Variants in NECAB1 observed in about 807,000 individuals in gnomAD.
The protein encoded by NECAB1 is N-terminal EF-hand calcium binding protein 1.
A neutral mutation model predicts 57.5 loss-of-function variants in NECAB1; 29 were observed. The ratio of observed to expected loss-of-function variants is 0.50; its 90% confidence interval spans 0.38 to 0.69. The LOEUF is 0.69. Ranked by LOEUF, NECAB1 falls within the 30% of genes least tolerant of loss-of-function variation. NECAB1 has a pLI of 0.00. For missense variants in NECAB1, 372 were observed against 413.8 expected (o/e 0.90, Z 0.88); for synonymous variants, 142 against 147.7 (o/e 0.96, Z 0.28).
At chr8:90,935,097 T>C (rs1256275684) in intron 9 of NECAB1, among the ~76,000 whole-genome samples, 1 of 152,202 alleles carries the variant, frequency 6.6e-6, no homozygotes, top group African/African-American at 2.4e-5. Context: ...AAAATCATTT[T>C]TTAATCCCTT....
At chr8:90,883,395 G>A (rs920958942) in intron 5 of NECAB1, among the ~76,000 whole-genome samples, 1 of 152,152 alleles carries the variant, frequency 6.6e-6, no homozygotes, top group East Asian at 1.9e-4. Flanking sequence ...CTAGCACATG[G>A]ACCCTTCAGA....
At chr8:90,898,383 C>A (rs2130003337) in intron 5 of NECAB1, among the ~76,000 whole-genome samples, 1 of 152,272 alleles carries the variant, frequency 6.6e-6, no homozygotes, top group East Asian at 1.9e-4. Context: ...TCAATATTGT[C>A]CCATTTCACT....
intron 3 of NECAB1, among the ~76,000 whole-genome samples, chr8:90,842,811 A>G (rs1812475858): frequency 6.6e-6 from 1 of 152,308 alleles, no homozygotes; most frequent in East Asian, 1.9e-4. Flanking sequence ...GAGTTTCACT[A>G]AAGTTGCTAA....
chr8:90,871,527 TTTC>T (rs1207360848), intron 3 of NECAB1, among the ~76,000 whole-genome samples: 2 of 152,188 alleles, frequency 1.3e-5, no homozygotes, highest in Non-Finnish European at 2.9e-5. Context: ...AGTAATTTGA[TTTC>T]TTATTTTGTT....
chr8:90,819,047 C>T (rs947438122), intron 2 of NECAB1, among the ~76,000 whole-genome samples: 1 of 151,698 alleles, frequency 6.6e-6, no homozygotes, highest in Non-Finnish European at 1.5e-5. Context: ...GACCTATCCT[C>T]AAGTTCTTTC....
chr8:90,801,721 A>G lies in NECAB1; in HGVS notation c.124+6A>G. The G allele has an allele frequency of 2.0e-6, 3 of 1,514,860 alleles. No homozygotes were observed. The East Asian group carries it at 7.4e-5, about 37-fold the overall frequency. The allele number at this position is 1,514,860 out of a possible 1,614,324, so 93.8% of individuals were successfully genotyped here. A position where few individuals can be genotyped will look rare whatever the true frequency, so the allele number is the denominator to read the frequency against. Reference sequence around the variant, plus strand: ...GAGGAGAGCAGACAAAAATGGTAAGACCAAAAATCTACAGTATCTATTTAT... The same window carrying G: ...GAGGAGAGCAGACAAAAATGGTAAGGCCAAAAATCTACAGTATCTATTTAT... On this transcript the variant is annotated splice_donor_region_variant and intron_variant, in intron 2 of 12. Coordinates refer to ENST00000417640, the MANE Select transcript of NECAB1 (RefSeq NM_022351.5).
At chr8:90,885,996 A>G (rs1354781109) in intron 5 of NECAB1, among the ~76,000 whole-genome samples, 1 of 152,242 alleles carries the variant, frequency 6.6e-6, no homozygotes, top group Non-Finnish European at 1.5e-5. Context: ...AAATGCTGAA[A>G]TCATAATTAA....
intron 10 of NECAB1, among the ~76,000 whole-genome samples, chr8:90,947,934 T>G (rs1012904959): frequency 6.6e-6 from 1 of 152,238 alleles, no homozygotes; most frequent in African/African-American, 2.4e-5. Flanking sequence ...TATGGTCTTA[T>G]GGCTAGCCTG....
At chr8:90,868,555 C>A (rs1352145497) in intron 3 of NECAB1, among the ~76,000 whole-genome samples, 1 of 152,158 alleles carries the variant, frequency 6.6e-6, no homozygotes, top group African/African-American at 2.4e-5. Context: ...CAGCATTGTG[C>A]CCCTGTTCTA....
chr8:90,930,201 A>G (rs541745143), intron 8 of NECAB1, among the ~76,000 whole-genome samples: 1 of 152,326 alleles, frequency 6.6e-6, no homozygotes, highest in East Asian at 1.9e-4. Context: ...ATCAGGTATG[A>G]TATGAGATGG....
chr8:90,815,683 A>G (rs1812051249), intron 2 of NECAB1, among the ~76,000 whole-genome samples: 1 of 152,050 alleles, frequency 6.6e-6, no homozygotes, highest in Admixed American at 6.6e-5. Flanking sequence ...TTCAGTTAGC[A>G]ATATGGATTT....
At chr8:90,889,272 T>C (rs138648627) in intron 5 of NECAB1, among the ~76,000 whole-genome samples, 54 of 152,340 alleles carry the variant, frequency 3.5e-4, no homozygotes, top group African/African-American at 1.2e-3. Flanking sequence ...TCAGTGATTA[T>C]CACTGTAAGT....
At chr8:90,837,979 C>T (rs1328332384) in intron 3 of NECAB1, among the ~76,000 whole-genome samples, 2 of 152,074 alleles carry the variant, frequency 1.3e-5, no homozygotes, top group African/African-American at 2.4e-5. Context: ...CTTTATTGTG[C>T]GTAGAGCTAA....
At chr8:90,820,621 T>C (rs973416810) in intron 2 of NECAB1, among the ~76,000 whole-genome samples, 1 of 151,724 alleles carries the variant, frequency 6.6e-6, no homozygotes, top group African/African-American at 2.4e-5. Flanking sequence ...AGAGCTCTAG[T>C]TGTTGTCATG....
intron 2 of NECAB1, among the ~76,000 whole-genome samples, chr8:90,813,635 C>T (rs1038094356): frequency 1.3e-4 from 19 of 151,976 alleles, no homozygotes; most frequent in African/African-American, 4.4e-4. Context: ...TCAAGTGATC[C>T]TCCTTGTCAG....
At chr8:90,797,789 G>A (rs897367853) in intron 1 of NECAB1, among the ~76,000 whole-genome samples, 2 of 152,112 alleles carry the variant, frequency 1.3e-5, no homozygotes, top group African/African-American at 4.8e-5. Context: ...TAATGTATTG[G>A]CTCCTGTAAT....
intron 7 of NECAB1, among the ~76,000 whole-genome samples, chr8:90,927,284 G>A (rs549379986): frequency 2.1e-5 from 3 of 145,178 alleles, no homozygotes; most frequent in South Asian, 4.3e-4. Flanking sequence ...GCCTTGAAAG[G>A]TGCTTCCTCC....
At chr8:90,849,036 A>G (rs943058287) in intron 3 of NECAB1, among the ~76,000 whole-genome samples, 14 of 152,148 alleles carry the variant, frequency 9.2e-5, no homozygotes, top group Admixed American at 2.0e-4. Flanking sequence ...CAATGATTCA[A>G]TTACCTCCCA....
At chr8:90,868,847 A>C (rs988036812) in intron 3 of NECAB1, among the ~76,000 whole-genome samples, 1 of 152,244 alleles carries the variant, frequency 6.6e-6, no homozygotes, top group African/African-American at 2.4e-5. Context: ...AGAGGAGCTG[A>C]ATGTTAATAG....
Sources: gnomAD v4.1 joint callset for allele counts (sites outside exome capture counted in the v4.1 genomes callset) on GRCh38, gnomAD v4.1.1 for gene constraint, MANE v1.5 for transcripts, NCBI Gene and HGNC (gene_info 2026-07-23, HGNC 2026-07-21) for gene names.